The following SYT5 variants were observed in gnomAD, a reference collection of about 807,000 sequenced individuals.
SYT5 encodes the protein synaptotagmin-5.
In SYT5, 29 loss-of-function variants were observed where a neutral mutation model predicts 36.0. The observed-to-expected ratio is 0.81, with a 90% CI of 0.60 to 1.10. The LOEUF (loss-of-function observed/expected upper bound fraction) is 1.10. Ranked by LOEUF, SYT5 falls within the 50% of genes least tolerant of loss-of-function variation. The pLI, the probability that SYT5 is intolerant of heterozygous loss-of-function variation, is 0.00. For synonymous variants in SYT5, 231 were observed against 227.6 expected (o/e 1.02, Z -0.14); for missense variants, 512 against 516.0 (o/e 0.99, Z 0.08).
intron 3 of SYT5, among the ~76,000 whole-genome samples, chr19:55,177,926 C>A (rs996618821): frequency 6.6e-5 from 10 of 152,140 alleles, no homozygotes; most frequent in African/African-American, 2.4e-4. Flanking sequence ...CCTATGAGAC[C>A]CTGTAGTATG....
rs2086022759 is a variant in SYT5 at position 55,173,160 on chromosome 19, G to A, written c.*324C>T. On this transcript the variant is annotated 3_prime_UTR_variant, in exon 9 of 9. Coordinates refer to ENST00000354308, the MANE Select transcript of SYT5 (RefSeq NM_003180.3). This position sits in a 1 kb window ranked among gnomAD's most constrained non-coding sequence, Gnocchi z 5.4. ...TGCAGGGATGGGCTGTGTTGGAAGAGAGAGGAGAGCAGACGAGGATGGCTG... is the reference window on the plus strand; with the variant it reads ...TGCAGGGATGGGCTGTGTTGGAAGAAAGAGGAGAGCAGACGAGGATGGCTG... The A allele has an allele frequency of 6.6e-6, 2 of 302,706 alleles. No individual in the cohort carries two copies. The highest frequency in any genetic ancestry group is 1.0e-4 in the Admixed American group (2 of 19,540). 18.8% of individuals were successfully genotyped at this position (302,706 alleles called of 1,614,324 possible).
In SYT5 at chr19:55,173,455, C is replaced by T. The variant is rs2086026841; in HGVS notation, c.*29G>A. 1.5e-6 allele frequency: 2 copies of T among 1,342,540 alleles called. No homozygotes were observed. Among genetic ancestry groups the T allele is most frequent in the African/African-American group, 1.5e-5 (1 of 64,752 alleles). The allele number at this position is 1,342,540 out of a possible 1,614,324, so 83.2% of individuals were successfully genotyped here. On this transcript the variant is annotated 3_prime_UTR_variant, in exon 9 of 9. Coordinates refer to ENST00000354308, the MANE Select transcript of SYT5 (RefSeq NM_003180.3). This position sits in a 1 kb window ranked among gnomAD's most constrained non-coding sequence, Gnocchi z 5.4. ...GAGTCTGGGGTCAGGGGCTAGAGTC[C>T]AGGCTTGGCCGGGGGCTTGGGGTGG...
chr19:55,174,507 T>A lies in SYT5; in HGVS notation c.960+10A>T. 6.2e-7 allele frequency: 1 copy of A among 1,613,478 alleles called. No homozygotes were observed. The highest frequency in any genetic ancestry group is 8.5e-7 in the Non-Finnish European group (1 of 1,179,612). On this transcript the variant is annotated intron_variant, in intron 8 of 8. Transcript: ENST00000354308. ...TCTGGGCTCTTGGAGAAGGGCAGGT[T>A]TGAGCTCACCTGGACTTGGTCACAG... is the stretch of plus-strand genomic sequence containing the variant.
chr19:55,178,753 ATTTTTTTTTTTTTTTTTTTTT>A (rs5828614), intron 2 of SYT5, among the ~76,000 whole-genome samples, 189 bp downstream of exon 2: 7,559 of 51,746 alleles, frequency 0.15, 373 homozygotes, highest in Middle Eastern at 0.28. Flanking sequence ...TCCGGTTTCG[ATTTTTTTTTTTTTTTTTTTTT>A]TTTTTTTTTT....
chr19:55,178,991 G>A lies in SYT5; in HGVS notation c.51C>T (p.Pro17=), dbSNP rs1362006635. The A allele has an allele frequency of 5.7e-6, 9 of 1,586,596 alleles. No homozygotes were observed. The highest frequency in any genetic ancestry group is 1.1e-5 in the South Asian group (1 of 87,690). Residue 17 remains proline, a synonymous_variant, in exon 2 of 9, where the codon CCC becomes CCT. Transcript: ENST00000354308. ...GGCCGTGGCTGATGCGACTGGAGTC[G>A]GGAGGCGTGTCGGGCGATGGAGGCC... is the stretch of plus-strand genomic sequence containing the variant. ...TPGPPSPDTP[P]DSSRISHGPV... is the part of the protein sequence containing the mutation.
Position 55,178,199 on chromosome 19 carries a change from G to C in SYT5, c.249C>G (p.Asp83Glu). ...EVKGLGQSYIDKVQPEVEELE... is the reference protein window; with the variant it reads ...EVKGLGQSYIEKVQPEVEELE... ...GAGGGGCTGGGCTGGGCCACACCTT[G>C]TCTATGTAACTCTGGCCCAGCCCCT... Residue 83 changes from aspartate to glutamate, a missense_variant, in exon 3 of 9, where the codon GAC (aspartate) becomes GAG (glutamate). Physicochemically the swap from Asp to Glu is conservative, Grantham distance 45. Coordinates refer to ENST00000354308, the MANE Select transcript of SYT5 (RefSeq NM_003180.3). 1 of 1,607,288 alleles carries C rather than the reference G, an allele frequency of 6.2e-7. No individual in the cohort carries two copies. Among genetic ancestry groups the C allele is most frequent in the Non-Finnish European group, 8.5e-7 (1 of 1,177,094 alleles).
chr19:55,174,860 C>T lies in SYT5; in HGVS notation c.826+22G>A, dbSNP rs762732281. 9 of 1,611,038 alleles carry T rather than the reference C, an allele frequency of 5.6e-6. 1 individual carries two copies. The Admixed American group carries it at 8.3e-5, about 15-fold the overall frequency. On this transcript the variant is annotated intron_variant, in intron 7 of 8. Transcript: ENST00000354308. ...CACCCCACGCCATCCCCACACACCCCACTCCCTTGCTTCCCACACACCTGA... is the reference window on the plus strand; with the variant it reads ...CACCCCACGCCATCCCCACACACCCTACTCCCTTGCTTCCCACACACCTGA...
Position 55,179,663 on chromosome 19 carries a change from A to G in SYT5, c.-46+454T>C, listed in dbSNP as rs887506915. The G allele has an allele frequency of 3.8e-5, 6 of 156,678 alleles. No individual in the cohort carries two copies. Among genetic ancestry groups the G allele is most frequent in the African/African-American group, 1.4e-4 (6 of 41,628 alleles). The allele number at this position is 156,678 out of a possible 1,614,324, so 9.7% of individuals were successfully genotyped here. ...TCCGCACCTGGTCCTGGGAGCTGAG[A>G]CGCAGGTTCCCTCTTCCCTCTCCCC... On this transcript the variant is annotated intron_variant, in intron 1 of 8. Coordinates refer to ENST00000354308, the MANE Select transcript of SYT5 (RefSeq NM_003180.3). The surrounding 1 kb of genome is among the most constrained non-coding windows in gnomAD (Gnocchi z 4.5).
At position 55,179,549 on chromosome 19, in the gene SYT5, A is replaced by ACC; in HGVS notation, c.-45-465_-45-464dup. 1 of 215,092 alleles carries ACC rather than the reference A, an allele frequency of 4.6e-6. No homozygotes were observed. 13.3% of individuals were successfully genotyped at this position (215,092 alleles called of 1,614,324 possible). ...CTCCGGGGCCCACCGGTGCCTGGGA[A>ACC]CCCCCCAATAGCCCGACTGGGATCC... On this transcript the variant is annotated intron_variant, in intron 1 of 8. Coordinates refer to ENST00000354308, the MANE Select transcript of SYT5 (RefSeq NM_003180.3). The surrounding 1 kb of genome is among the most constrained non-coding windows in gnomAD (Gnocchi z 4.5).
rs1292389457 is a variant in SYT5 at position 55,175,444 on chromosome 19, C to T, written c.541-105G>A. On this transcript the variant is annotated intron_variant, in intron 5 of 8. Transcript: ENST00000354308. The surrounding 1 kb of genome is among the most constrained non-coding windows in gnomAD (Gnocchi z 4.5). ...TGGAGTGAGGCAGCGAGGGTCGAAG[C>T]GAACAGTTGGGGGAACTCAAATGGG... 3.1e-6 allele frequency: 4 copies of T among 1,293,182 alleles called. No individual in the cohort carries two copies. In the East Asian group the frequency reaches 1.0e-4, roughly 32 times the overall value. The allele number at this position is 1,293,182 out of a possible 1,614,324, so 80.1% of individuals were successfully genotyped here. A position where few individuals can be genotyped will look rare whatever the true frequency, so the allele number is the denominator to read the frequency against.
Position 55,179,052 on chromosome 19 carries a change from T to A in SYT5, c.-11A>T. 1 of 1,600,004 alleles carries A rather than the reference T, an allele frequency of 6.2e-7. No homozygotes were observed. Among genetic ancestry groups the A allele is most frequent in the Non-Finnish European group, 8.5e-7 (1 of 1,175,144 alleles). On this transcript the variant is annotated 5_prime_UTR_variant, in exon 2 of 9. Coordinates refer to ENST00000354308, the MANE Select transcript of SYT5 (RefSeq NM_003180.3). This position sits in a 1 kb window ranked among gnomAD's most constrained non-coding sequence, Gnocchi z 4.5. ...GGGCTCCGGGAACATGGTGGCGGGG[T>A]CCTGGAGTCTTTTCTGCAGAGACAC...
chr19:55,175,986 C>T lies in SYT5; in HGVS notation c.372+19G>A, dbSNP rs762199362. On this transcript the variant is annotated intron_variant, in intron 4 of 8. Transcript: ENST00000354308. This position sits in a 1 kb window ranked among gnomAD's most constrained non-coding sequence, Gnocchi z 4.5. ...CCCCGGGATCCTCCCTCCAAAGCTT[C>T]CCCTTCCTCCACACCCACCTGGCCA... The T allele has an allele frequency of 8.2e-5, 133 of 1,613,824 alleles. No homozygotes were observed. The highest frequency in any genetic ancestry group is 1.1e-4 in the Non-Finnish European group (130 of 1,180,002).
rs2086066547 is a variant in SYT5, at chr19:55,175,568, G to A, written c.540+141C>T. The A allele has an allele frequency of 8.2e-7, 1 of 1,223,342 alleles. No homozygotes were observed. Among genetic ancestry groups the A allele is most frequent in the Admixed American group, 2.3e-5 (1 of 43,624 alleles). The allele number at this position is 1,223,342 out of a possible 1,614,324, so 75.8% of individuals were successfully genotyped here. On this transcript the variant is annotated intron_variant, in intron 5 of 8. Transcript: ENST00000354308. This position sits in a 1 kb window ranked among gnomAD's most constrained non-coding sequence, Gnocchi z 4.5. ...ACAGCCCAGGAGTCAGTAGTGCCCA[G>A]GGTCCAGTGGAATAGCCCCAGAGCT...
intron 2 of SYT5, 152 bp from the exon 3 acceptor site, chr19:55,178,520 G>A: frequency 3.1e-6 from 3 of 982,212 alleles, no homozygotes; most frequent in Non-Finnish European, 4.4e-6. Context: ...CACCTAATGT[G>A]GCCTATAGAG....
In SYT5 at chr19:55,175,747, T is replaced by C. The variant is rs747302742; in HGVS notation, c.502A>G (p.Thr168Ala). The C allele has an allele frequency of 3.7e-6, 6 of 1,614,068 alleles. No homozygotes were observed. The highest frequency in any genetic ancestry group is 1.1e-5 in the South Asian group (1 of 91,080). The change falls in exon 5 of 9, where the codon ACG becomes GCG. Residue 168 changes from threonine (T) to alanine (A), a missense_variant. Coordinates refer to ENST00000354308, the MANE Select transcript of SYT5 (RefSeq NM_003180.3). This position sits in a 1 kb window ranked among gnomAD's most constrained non-coding sequence, Gnocchi z 4.5. Reference sequence around the variant, plus strand: ...GTCTCCCCAAAGTGAGGGTTCAGCGTCTGCCGATGCACCTTGGTCTCGTAC... The same window carrying C: ...GTCTCCCCAAAGTGAGGGTTCAGCGCCTGCCGATGCACCTTGGTCTCGTAC... ...RRYETKVHRQ[T>A]LNPHFGETFA...
In SYT5 at chr19:55,175,061, C is replaced by A. The variant is rs547293268; in HGVS notation, c.709-62G>T. On this transcript the variant is annotated intron_variant, in intron 6 of 8. Coordinates refer to ENST00000354308, the MANE Select transcript of SYT5 (RefSeq NM_003180.3). The surrounding 1 kb of genome is among the most constrained non-coding windows in gnomAD (Gnocchi z 4.5). ...CCACATCCATGCCTCCTCAGGGGTA[C>A]AATCCACGCCGCCCTGAGGGTCTGG... The A allele has an allele frequency of 1.9e-6, 3 of 1,600,918 alleles. No individual in the cohort carries two copies. Among genetic ancestry groups the A allele is most frequent in the Admixed American group, 3.4e-5 (2 of 59,696 alleles).
chr19:55,178,149 G>A (rs569506698), intron 3 of SYT5, 47 bp downstream of exon 3: 3 of 1,581,984 alleles, frequency 1.9e-6, no homozygotes, highest in African/African-American at 2.7e-5. Context: ...ATTGAGAGGA[G>A]CAGGGTGCGG....
In SYT5 at chr19:55,175,349, A is replaced by G; in HGVS notation, c.541-10T>C. ...GCTCCACGTAGGGGACCTGGAGTGC[A>G]CAGAGAATCCGCAGTAGAGAGCAGG... On this transcript the variant is annotated splice_polypyrimidine_tract_variant and intron_variant, in intron 5 of 8. Transcript: ENST00000354308. The surrounding 1 kb of genome is among the most constrained non-coding windows in gnomAD (Gnocchi z 4.5). 2 of 1,522,572 alleles carry G rather than the reference A, an allele frequency of 1.3e-6. No homozygotes were observed. The highest frequency in any genetic ancestry group is 1.3e-5 in the South Asian group (1 of 76,280). The allele number at this position is 1,522,572 out of a possible 1,614,324, so 94.3% of individuals were successfully genotyped here.
Position 55,179,412 on chromosome 19 carries a change from G to A in SYT5, c.-45-326C>T, listed in dbSNP as rs1041724682. The A allele has an allele frequency of 4.1e-6, 2 of 489,368 alleles. No homozygotes were observed. The highest frequency in any genetic ancestry group is 6.7e-6 in the Non-Finnish European group (2 of 296,482). The allele number at this position is 489,368 out of a possible 1,614,324, so 30.3% of individuals were successfully genotyped here. On this transcript the variant is annotated intron_variant, in intron 1 of 8. Transcript: ENST00000354308. The surrounding 1 kb of genome is among the most constrained non-coding windows in gnomAD (Gnocchi z 4.5). ...GACCGCGTTGCCCAGAGCAACAGCC[G>A]GGCTCCTCTCAAGCGGGGTGAGAGC...
Sources: gnomAD v4.1 joint callset for allele counts (sites outside exome capture counted in the v4.1 genomes callset) on GRCh38, gnomAD v4.1.1 for gene constraint, Gnocchi (gnomAD v3.1) non-coding constraint, MANE v1.5 for transcripts, NCBI Gene and HGNC (gene_info 2026-07-23, HGNC 2026-07-21) for gene names.